Variants in LEPR observed in about 807,000 individuals in gnomAD.
LEPR encodes the protein leptin receptor.
In LEPR, 56 loss-of-function variants were observed where a neutral mutation model predicts 114.7. The ratio of observed to expected loss-of-function variants is 0.49; its 90% CI spans 0.39 to 0.61. LEPR has a LOEUF of 0.61. LEPR is among the 20% of genes least tolerant of loss of function. The pLI is 0.00. For missense variants in LEPR, 1,202 were observed against 1,352.9 expected (o/e 0.89, Z 1.75); for synonymous variants, 443 against 461.4 (o/e 0.96, Z 0.51).
chr1:65,631,043 C>G (rs1658497950), intron 19 of LEPR, among the ~76,000 whole-genome samples: 1 of 151,980 alleles, frequency 6.6e-6, no homozygotes, highest in African/African-American at 2.4e-5. Context: ...AGGAATGAAA[C>G]AGTAGACAGG....
At chr1:65,425,243 C>G (rs1373304247) in intron 1 of LEPR, 60 bp from the exon 2 acceptor site, 19 of 1,455,014 alleles carry the variant, frequency 1.3e-5, no homozygotes, top group Non-Finnish European at 1.6e-5. Context: ...TTCCCCAAAC[C>G]CTCTAGTGCC....
chr1:65,579,936 C>A (rs1257508389), intron 5 of LEPR, among the ~76,000 whole-genome samples: 1 of 151,874 alleles, frequency 6.6e-6, no homozygotes, highest in African/African-American at 2.4e-5. Flanking sequence ...ACAATAGGAC[C>A]CAGAAGAATG....
chr1:65,498,443 C>CA (rs920914413), intron 2 of LEPR, among the ~76,000 whole-genome samples: 8 of 151,104 alleles, frequency 5.3e-5, no homozygotes, highest in African/African-American at 1.5e-4. Flanking sequence ...AATACTATTA[C>CA]AAAAAAAACT....
At chr1:65,449,260 C>CT (rs201429452) in intron 2 of LEPR, among the ~76,000 whole-genome samples, 11,181 of 118,460 alleles carry the variant, frequency 0.094, 586 homozygotes, top group African/African-American at 0.14. Context: ...TTTTATTTAT[C>CT]TTTTTTTTTT....
At chr1:65,586,262 G>A (rs1043484906) in intron 5 of LEPR, among the ~76,000 whole-genome samples, 1 of 151,928 alleles carries the variant, frequency 6.6e-6, no homozygotes, top group Non-Finnish European at 1.5e-5. Context: ...TTCCCTCAAA[G>A]GGTGCTTTGA....
At chr1:65,481,283 A>T (rs1159310450) in intron 2 of LEPR, among the ~76,000 whole-genome samples, 1 of 152,196 alleles carries the variant, frequency 6.6e-6, no homozygotes, top group Non-Finnish European at 1.5e-5. Context: ...GGAATTGAGG[A>T]TTAAGACTTT....
intron 2 of LEPR, among the ~76,000 whole-genome samples, chr1:65,565,110 C>T (rs1459049819): frequency 6.6e-6 from 1 of 151,968 alleles, no homozygotes; most frequent in African/African-American, 2.4e-5. Flanking sequence ...ATTATTTGGC[C>T]TTACAATATC....
chr1:65,593,171 T>A (rs58372192), intron 6 of LEPR, among the ~76,000 whole-genome samples: 76,039 of 151,520 alleles, frequency 0.5, 19,859 homozygotes, highest in East Asian at 0.88. Context: ...TTGAAAATAG[T>A]AGCATGTTTC....
chr1:65,461,942 A>G (rs535865553), intron 2 of LEPR, among the ~76,000 whole-genome samples: 10 of 152,318 alleles, frequency 6.6e-5, no homozygotes, highest in African/African-American at 2.4e-4. Context: ...GGCCTTCTAT[A>G]AAATACCTGG....
At chr1:65,610,392 T>C in intron 14 of LEPR, 96 bp downstream of exon 14, 1 of 1,028,948 alleles carries the variant, frequency 9.7e-7, no homozygotes, top group East Asian at 2.6e-5. Flanking sequence ...TTCGGAAAGC[T>C]CAACAATCCT....
intron 19 of LEPR, among the ~76,000 whole-genome samples, chr1:65,628,939 C>T (rs188978704): frequency 3.3e-5 from 5 of 152,142 alleles, no homozygotes; most frequent in African/African-American, 1.2e-4. Flanking sequence ...TAGTCTTGCT[C>T]TCCAAATGCC....
At chr1:65,491,824 A>T (rs1208094411) in intron 2 of LEPR, among the ~76,000 whole-genome samples, 1 of 152,116 alleles carries the variant, frequency 6.6e-6, no homozygotes, top group East Asian at 1.9e-4. Flanking sequence ...ACTTAAAGTA[A>T]AATGGATTGT....
At chr1:65,622,473 C>T (rs756006732) in intron 18 of LEPR, among the ~76,000 whole-genome samples, 10 of 152,170 alleles carry the variant, frequency 6.6e-5, no homozygotes, top group Admixed American at 2.0e-4. Flanking sequence ...GGTTATTTTA[C>T]ACATGCCAAA....
chr1:65,500,847 GA>G (rs1198905747), intron 2 of LEPR, among the ~76,000 whole-genome samples: 6 of 152,092 alleles, frequency 3.9e-5, no homozygotes, highest in Non-Finnish European at 2.9e-5. Context: ...TCTGCACTTT[GA>G]AAGGTTATTC....
intron 14 of LEPR, among the ~76,000 whole-genome samples, chr1:65,610,864 T>A (rs1180533175): frequency 3.3e-5 from 5 of 152,224 alleles, no homozygotes; most frequent in African/African-American, 1.2e-4. Flanking sequence ...TAAGATTGAC[T>A]TGGGAATACA....
chr1:65,453,347 C>T lies in LEPR; in HGVS notation c.-21+27969C>T, dbSNP rs533102341. On this transcript the variant is annotated intron_variant, in intron 2 of 19. Coordinates refer to ENST00000349533, the MANE Select transcript of LEPR (RefSeq NM_002303.6). ...CTTTTGAATGTGTTTGCTCTTGCTT[C>T]TCTAATTCTTTTAATTGTGATGTTA... Among the ~76,000 whole-genome samples the T allele has an allele frequency of 4.8e-3, 733 of 152,088 alleles. 6 individuals carry two copies. The highest frequency in any genetic ancestry group is 0.017 in the African/African-American group (704 of 41,444).
chr1:65,631,926 T>A (rs1658540089), intron 19 of LEPR, among the ~76,000 whole-genome samples: 1 of 152,206 alleles, frequency 6.6e-6, no homozygotes, highest in Admixed American at 6.5e-5. Flanking sequence ...GTTCCACTCC[T>A]TTTTATTCTT....
intron 2 of LEPR, among the ~76,000 whole-genome samples, chr1:65,472,063 G>A (rs546098659): frequency 6.6e-6 from 1 of 152,192 alleles, no homozygotes; most frequent in African/African-American, 2.4e-5. Context: ...CCAAACTTTA[G>A]TAACGTAGTA....
intron 2 of LEPR, among the ~76,000 whole-genome samples, chr1:65,537,386 C>T (rs895914467): frequency 3.9e-5 from 6 of 152,122 alleles, no homozygotes; most frequent in African/African-American, 1.4e-4. Context: ...ACCCTAGGAA[C>T]AACTAGTTTG....
Sources: allele counts gnomAD v4.1 joint callset (sites outside exome capture counted in the v4.1 genomes callset), GRCh38; gene constraint gnomAD v4.1.1; transcripts MANE v1.5; gene names NCBI Gene and HGNC (gene_info 2026-07-23, HGNC 2026-07-21).